The following PRMT7 variants were observed in gnomAD, a reference collection of about 807,000 sequenced individuals.
PRMT7 encodes the protein protein arginine N-methyltransferase 7.
A neutral mutation model predicts 85.4 loss-of-function variants in PRMT7; 75 were observed. The ratio of observed to expected loss-of-function variants is 0.88; its 90% CI spans 0.73 to 1.06. The LOEUF (loss-of-function observed/expected upper bound fraction) is 1.06, where lower values mean the gene tolerates loss of function less well. Among genes scored for constraint, PRMT7 ranks in the 50% least tolerant of loss-of-function variants. The pLI is 0.00. For missense variants in PRMT7, 868 were observed against 915.2 expected, an observed-to-expected ratio of 0.95 and a Z score of 0.67; for synonymous variants, 397 against 359.5, an observed-to-expected ratio of 1.10 and a Z score of -1.18.
Position 68,339,240 on chromosome 16 carries a change from A to G in PRMT7, c.505-82A>G, listed in dbSNP as rs946410339. ...TACTGAACCAACCTAATGTTAAGGA[A>G]TAAACCTCTTTTGATCAATGGGAAT... is the stretch of plus-strand genomic sequence containing the variant. On this transcript the variant is annotated intron_variant, in intron 7 of 18. Coordinates refer to ENST00000441236, the MANE Select transcript of PRMT7 (RefSeq NM_019023.5). The G allele has an allele frequency of 4.4e-6, 7 of 1,573,208 alleles. No individual in the cohort carries two copies. The African/African-American group carries it at 6.7e-5, about 15-fold the overall frequency.
chr16:68,343,199 C>T (rs561080102), intron 9 of PRMT7, among the ~76,000 whole-genome samples: 3 of 148,718 alleles, frequency 2.0e-5, no homozygotes, highest in Admixed American at 1.3e-4. Flanking sequence ...AGCGAAACTC[C>T]GTCTCAAAAA....
chr16:68,345,508 A>G (rs2086219899), intron 9 of PRMT7, among the ~76,000 whole-genome samples, 167 bp from the exon 10 acceptor site: 1 of 152,220 alleles, frequency 6.6e-6, no homozygotes, highest in African/African-American at 2.4e-5. Context: ...CTTTTGGGCC[A>G]CTGGCCTCTG....
chr16:68,316,548 C>T (rs1335317374), intron 3 of PRMT7, among the ~76,000 whole-genome samples: 2 of 152,060 alleles, frequency 1.3e-5, no homozygotes, highest in Non-Finnish European at 2.9e-5. Flanking sequence ...GCCAGATCAC[C>T]TGAGGTCAGG....
chr16:68,318,915 TGGAGA>T (rs1297688375), intron 3 of PRMT7: 1 of 152,230 alleles, frequency 6.6e-6, no homozygotes, highest in African/African-American at 2.4e-5. Context: ...GAGAGCGGTG[TGGAGA>T]GGAGAGCATT....
chr16:68,318,827 C>T (rs2082167764), intron 3 of PRMT7: 1 of 152,280 alleles, frequency 6.6e-6, no homozygotes, highest in Non-Finnish European at 1.5e-5. Flanking sequence ...GCCACAGTGT[C>T]AGGCCTGGAC....
At chr16:68,322,301 G>T in intron 4 of PRMT7, 1 of 381,066 alleles carries the variant, frequency 2.6e-6, no homozygotes, top group Admixed American at 2.8e-5. Flanking sequence ...TTGGGCTTAA[G>T]CGATCCCCCA....
At chr16:68,320,387 A>G (rs934235083) in intron 3 of PRMT7, among the ~76,000 whole-genome samples, 1 of 152,214 alleles carries the variant, frequency 6.6e-6, no homozygotes, top group Non-Finnish European at 1.5e-5. Context: ...CTTTACCTAC[A>G]TATTTATTGA....
At chr16:68,315,861 G>T in intron 2 of PRMT7, 36 bp from the exon 3 acceptor site, 3 of 833,948 alleles carry the variant, frequency 3.6e-6, no homozygotes, top group South Asian at 3.0e-5. Flanking sequence ...CTGTTCGTTT[G>T]TTTATATACC....
chr16:68,337,942 T>C (rs1473941600), intron 7 of PRMT7, among the ~76,000 whole-genome samples: 1 of 152,156 alleles, frequency 6.6e-6, no homozygotes, highest in Non-Finnish European at 1.5e-5. Flanking sequence ...ATCGGTGCGG[T>C]GGCTCCGGAG....
intron 7 of PRMT7, among the ~76,000 whole-genome samples, chr16:68,338,327 A>T (rs12921314): frequency 1.3e-5 from 2 of 151,814 alleles, no homozygotes; most frequent in African/African-American, 4.8e-5. Flanking sequence ...GGGCACCTGG[A>T]TTGGATGGTG....
At chr16:68,319,263 T>C (rs1019568787) in intron 3 of PRMT7, among the ~76,000 whole-genome samples, 1 of 151,544 alleles carries the variant, frequency 6.6e-6, no homozygotes, top group African/African-American at 2.4e-5. Context: ...ATGTGAAAGG[T>C]AGAGGGCTGA....
Position 68,347,094 on chromosome 16 carries a change from G to A in PRMT7, c.1192-117G>A, listed in dbSNP as rs889583506. 3.9e-5 allele frequency: 34 copies of A among 882,358 alleles called. No homozygotes were observed. The African/African-American group carries it at 5.2e-4, about 14-fold the overall frequency. 54.7% of individuals were successfully genotyped at this position (882,358 alleles called of 1,614,324 possible). ...TGGTTACTGCATGAGGACGCAGGGG[G>A]ATGGTCTGAGGTCTGGGCAAGTGGA... On this transcript the variant is annotated intron_variant, in intron 11 of 18. Coordinates refer to ENST00000441236, the MANE Select transcript of PRMT7 (RefSeq NM_019023.5).
chr16:68,328,986 A>T, intron 5 of PRMT7, 80 bp from the exon 6 acceptor site: 1 of 933,248 alleles, frequency 1.1e-6, no homozygotes, highest in Non-Finnish European at 1.7e-6. Flanking sequence ...AGAATCAAGG[A>T]ATAGCTTGCT....
intron 14 of PRMT7, among the ~76,000 whole-genome samples, chr16:68,349,661 A>G (rs899321575): frequency 6.6e-6 from 1 of 152,152 alleles, no homozygotes; most frequent in Admixed American, 6.5e-5. Flanking sequence ...CGGAAGGCCA[A>G]GGTGGGAGGA....
chr16:68,349,022 T>C (rs1279457629), intron 14 of PRMT7, among the ~76,000 whole-genome samples: 12 of 152,108 alleles, frequency 7.9e-5, no homozygotes, highest in Non-Finnish European at 2.9e-5. Flanking sequence ...GCAGAGCATG[T>C]CCTTTCCTCT....
intron 2 of PRMT7, among the ~76,000 whole-genome samples, chr16:68,314,162 A>G (rs2044365153): frequency 6.6e-6 from 1 of 152,204 alleles, no homozygotes; most frequent in African/African-American, 2.4e-5. Context: ...TACCTGGACA[A>G]ATTGTCTACT....
rs763564051 is a variant in PRMT7, at chr16:68,337,550, C to T, written c.483C>T (p.His161=). ...AGGGGGCGCTGCCCTCCTATGAGCA[C>T]GCACACAGGCATCTCGTGGAGGTAG... The part of the protein sequence containing the change: ...IGEGALPSYE[H]AHRHLVEENC... The change falls in exon 7 of 19, where the codon CAC becomes CAT. Residue 161 remains histidine, a synonymous_variant. Transcript: ENST00000441236. The T allele has an allele frequency of 5.3e-5, 86 of 1,607,862 alleles. No individual in the cohort carries two copies. Among genetic ancestry groups the T allele is most frequent in the Middle Eastern group, 3.3e-4 (2 of 6,058 alleles).
In PRMT7 at chr16:68,316,020, C is replaced by G. The variant is rs1361091671; in HGVS notation, c.41C>G (p.Ser14Cys). 6.2e-7 allele frequency: 1 copy of G among 1,613,758 alleles called. No individual in the cohort carries two copies. Among genetic ancestry groups the G allele is most frequent in the Admixed American group, 1.7e-5 (1 of 60,016 alleles). ...FCSRANPTTG[S>C]VEWLEEDEHY... ...AGTCGGGCCAATCCGACCACGGGGT[C>G]TGTGGAGTGGCTGGAGGAGGATGAA... Residue 14 changes from serine to cysteine, a missense_variant, in exon 3 of 19, where the codon TCT (serine) becomes TGT (cysteine). Transcript: ENST00000441236.
downstream of PRMT7, chr16:68,359,205 AGG>A (rs2089076194): frequency 6.6e-6 from 1 of 152,340 alleles, no homozygotes; most frequent in Non-Finnish European, 1.5e-5. Context: ...CTCGGGGTCT[AGG>A]GGTCCAGGGC....
Sources: allele counts gnomAD v4.1 joint callset (sites outside exome capture counted in the v4.1 genomes callset), GRCh38; gene constraint gnomAD v4.1.1; transcripts MANE v1.5; gene names NCBI Gene and HGNC (gene_info 2026-07-23, HGNC 2026-07-21).